Variants in ADAM32 observed in about 807,000 individuals in gnomAD.
ADAM32 encodes disintegrin and metalloproteinase domain-containing protein 32.
Under a neutral mutation model 114.9 loss-of-function variants are expected in ADAM32, and 89 were observed. The ratio of observed to expected loss-of-function variants is 0.77; its 90% CI spans 0.65 to 0.92. The LOEUF (loss-of-function observed/expected upper bound fraction) is 0.92. Among genes scored for constraint, ADAM32 ranks in the 40% least tolerant of loss-of-function variants. The pLI is 0.00. For missense variants in ADAM32, 870 were observed against 932.8 expected (o/e 0.93, Z 0.88); for synonymous variants, 285 against 307.5 (o/e 0.93, Z 0.77).
At chr8:39,284,406 C>T (rs2129451925) in intron 24 of ADAM32, among the ~76,000 whole-genome samples, 1 of 151,748 alleles carries the variant, frequency 6.6e-6, no homozygotes, top group African/African-American at 2.4e-5. Flanking sequence ...CACACGTACA[C>T]ACACATACAC....
chr8:39,125,351 T>C (rs1257920023), intron 2 of ADAM32, among the ~76,000 whole-genome samples: 3 of 152,144 alleles, frequency 2.0e-5, no homozygotes, highest in Non-Finnish European at 2.9e-5. Flanking sequence ...CTTGTTGGCA[T>C]GGGAATAGCT....
chr8:39,112,311 T>A (rs1386908586), intron 1 of ADAM32, among the ~76,000 whole-genome samples: 2 of 152,198 alleles, frequency 1.3e-5, no homozygotes, highest in Non-Finnish European at 1.5e-5. Flanking sequence ...TTTTGGATAT[T>A]AATCATTTTA....
chr8:39,107,677 G>C, upstream of ADAM32: 1 of 1,538,376 alleles, frequency 6.5e-7, no homozygotes, highest in Non-Finnish European at 8.7e-7. Context: ...GCTGTCCCAT[G>C]AACGTGCGGG....
intron 14 of ADAM32, among the ~76,000 whole-genome samples, chr8:39,224,858 C>T (rs569716785): frequency 5.3e-5 from 8 of 151,858 alleles, no homozygotes; most frequent in Non-Finnish European, 7.4e-5. Context: ...TCTGGCAGCA[C>T]GGCAGAGAAA....
intron 9 of ADAM32, 119 bp from the exon 10 acceptor site, chr8:39,169,797 C>G: frequency 1.6e-6 from 1 of 644,502 alleles, no homozygotes. Context: ...ATGGAAAGAT[C>G]ATACCTCAAT....
intron 3 of ADAM32, among the ~76,000 whole-genome samples, chr8:39,142,076 A>G (rs561484489): frequency 6.6e-6 from 1 of 151,910 alleles, no homozygotes; most frequent in African/African-American, 2.4e-5. Context: ...CTTTATTTTG[A>G]GCCTATGTGC....
At chr8:39,130,876 CAGTT>C in intron 2 of ADAM32, 1 of 456,410 alleles carries the variant, frequency 2.2e-6, no homozygotes, top group South Asian at 1.6e-5. Context: ...GGTTAGTAGT[CAGTT>C]AGCTTGTGTT....
At chr8:39,159,304 A>G (rs1804341903) in intron 6 of ADAM32, among the ~76,000 whole-genome samples, 1 of 152,230 alleles carries the variant, frequency 6.6e-6, no homozygotes, top group Non-Finnish European at 1.5e-5. Context: ...GGAGCCAAAA[A>G]AGAGAAAAGA....
chr8:39,108,571 G>A (rs752206558), intron 1 of ADAM32, among the ~76,000 whole-genome samples: 1 of 152,150 alleles, frequency 6.6e-6, no homozygotes, highest in African/African-American at 2.4e-5. Context: ...CAATGCAAAT[G>A]GACCACTGTG....
chr8:39,215,476 T>C (rs1808497141), intron 12 of ADAM32, among the ~76,000 whole-genome samples: 1 of 152,032 alleles, frequency 6.6e-6, no homozygotes, highest in Admixed American at 6.5e-5. Context: ...GATTGTTCAC[T>C]GTTACCATAT....
At chr8:39,141,394 T>G (rs542553086) in intron 3 of ADAM32, among the ~76,000 whole-genome samples, 1 of 152,354 alleles carries the variant, frequency 6.6e-6, no homozygotes, top group East Asian at 1.9e-4. Flanking sequence ...ATTGTGTCTT[T>G]GTTCTCATTG....
intron 19 of ADAM32, among the ~76,000 whole-genome samples, chr8:39,262,841 G>A (rs2129450958): frequency 6.6e-6 from 1 of 152,162 alleles, no homozygotes; most frequent in South Asian, 2.1e-4. Context: ...GAGTAGCTGG[G>A]ACAACAGGTG....
At chr8:39,271,454 A>G (rs1169667742) in intron 20 of ADAM32, among the ~76,000 whole-genome samples, 3 of 116,800 alleles carry the variant, frequency 2.6e-5, no homozygotes, top group Non-Finnish European at 5.2e-5. Context: ...ATGCTACTTA[A>G]CCTTACAAAA....
Position 39,222,989 on chromosome 8 carries a change from A to G in ADAM32, c.1327-51A>G, listed in dbSNP as rs1809087553. 16 of 1,421,090 alleles carry G rather than the reference A, an allele frequency of 1.1e-5. No individual in the cohort carries two copies. In the South Asian group the frequency reaches 2.0e-4, roughly 18 times the overall value. 88.0% of individuals were successfully genotyped at this position (1,421,090 alleles called of 1,614,324 possible). On this transcript the variant is annotated intron_variant, in intron 13 of 24. Coordinates refer to ENST00000379907, the MANE Select transcript of ADAM32 (RefSeq NM_145004.7). Reference sequence around the variant, plus strand: ...ACAATTTTGAAGTAAATATTAACAAACAGTAATCCTATTTGTAATGCTTTA... The same window carrying G: ...ACAATTTTGAAGTAAATATTAACAAGCAGTAATCCTATTTGTAATGCTTTA...
chr8:39,160,121 T>C (rs902284762), intron 6 of ADAM32, among the ~76,000 whole-genome samples: 9 of 152,166 alleles, frequency 5.9e-5, no homozygotes, highest in African/African-American at 2.2e-4. Flanking sequence ...AGGCTCAAGA[T>C]TGGCAAAACA....
chr8:39,185,881 CT>C (rs35894360), intron 10 of ADAM32, among the ~76,000 whole-genome samples: 282 of 147,610 alleles, frequency 1.9e-3, no homozygotes, highest in Middle Eastern at 7.2e-3. Context: ...GTCATTAAAA[CT>C]TTTTTTTTTT....
chr8:39,185,039 G>A (rs1806130672), intron 10 of ADAM32, among the ~76,000 whole-genome samples: 1 of 152,096 alleles, frequency 6.6e-6, no homozygotes, highest in Non-Finnish European at 1.5e-5. Context: ...TGAGGCAGGT[G>A]GATCACTTGA....
At chr8:39,130,933 G>A (rs191736137) in intron 2 of ADAM32, 1 of 439,348 alleles carries the variant, frequency 2.3e-6, no homozygotes, top group East Asian at 7.0e-5. Context: ...CCGGCATTTT[G>A]GGAGACTGAG....
intron 6 of ADAM32, among the ~76,000 whole-genome samples, chr8:39,154,812 CAT>C (rs1426762828): frequency 1.3e-5 from 2 of 150,562 alleles, no homozygotes; most frequent in Non-Finnish European, 3.0e-5. Context: ...CTTTTTTTTT[CAT>C]ATGTTTGTTG....
Sources: allele counts gnomAD v4.1 joint callset (sites outside exome capture counted in the v4.1 genomes callset), GRCh38; gene constraint gnomAD v4.1.1; transcripts MANE v1.5; gene names NCBI Gene and HGNC (gene_info 2026-07-23, HGNC 2026-07-21).